Variants in EIF2AK2 observed in about 807,000 individuals in gnomAD.
EIF2AK2 encodes interferon-induced, double-stranded RNA-activated protein kinase.
A neutral mutation model predicts 70.5 loss-of-function variants in EIF2AK2; 40 were observed. The ratio of observed to expected loss-of-function variants is 0.57; its 90% confidence interval spans 0.44 to 0.74. EIF2AK2 has a LOEUF of 0.74. Ranked by LOEUF, EIF2AK2 falls within the 30% of genes least tolerant of loss-of-function variation. The probability of loss-of-function intolerance (pLI) is 0.00; values close to 1 mark genes in which losing one functional copy is unlikely to be tolerated. For synonymous variants in EIF2AK2, 198 were observed against 220.9 expected, an observed-to-expected ratio of 0.90 and a Z score of 0.92; for missense variants, 555 against 644.3, an observed-to-expected ratio of 0.86 and a Z score of 1.50.
chr2:37,146,934 T>A lies in EIF2AK2; in HGVS notation c.159A>T (p.Pro53=). The change falls in exon 4 of 17, where the codon CCA becomes CCT. Residue 53 remains proline (P), a synonymous_variant. Coordinates refer to ENST00000233057, the MANE Select transcript of EIF2AK2 (RefSeq NM_001135651.3). ...FQVIIDGREF[P]EGEGRSKKEA... ...CCTTCTTTGATCTACCTTCACCTTC[T>A]GGAAATTCTCTTCCATCTATTATAA... The A allele has an allele frequency of 1.2e-6, 2 of 1,613,530 alleles. No homozygotes were observed. The highest frequency in any genetic ancestry group is 1.7e-6 in the Non-Finnish European group (2 of 1,179,754).
chr2:37,124,943 G>C (rs775648919), intron 11 of EIF2AK2, among the ~76,000 whole-genome samples: 1 of 151,860 alleles, frequency 6.6e-6, no homozygotes, highest in Non-Finnish European at 1.5e-5. Context: ...CCCCAGGCTA[G>C]TCTCAAACTC....
chr2:37,118,606 C>T (rs576202283), intron 13 of EIF2AK2, among the ~76,000 whole-genome samples: 1 of 152,266 alleles, frequency 6.6e-6, no homozygotes, highest in African/African-American at 2.4e-5. Flanking sequence ...TATGATTTAT[C>T]CCAAAGTGAA....
intron 13 of EIF2AK2, among the ~76,000 whole-genome samples, chr2:37,119,574 T>C (rs148761087): frequency 6.6e-6 from 1 of 151,320 alleles, no homozygotes; most frequent in Non-Finnish European, 1.5e-5. Flanking sequence ...TATATATCTA[T>C]CTATCTTATT....
chr2:37,149,140 T>C (rs1244330840), intron 1 of EIF2AK2, 117 bp from the exon 2 acceptor site: 6 of 927,672 alleles, frequency 6.5e-6, no homozygotes, highest in Non-Finnish European at 1.1e-5. Flanking sequence ...TTTATTGGGA[T>C]GGACCTCGAT....
intron 15 of EIF2AK2, among the ~76,000 whole-genome samples, chr2:37,107,736 A>G (rs548883591): frequency 5.9e-5 from 9 of 152,310 alleles, no homozygotes; most frequent in Non-Finnish European, 1.5e-5. Context: ...TGTTAAGTGC[A>G]TCATCTTTAC....
rs1304353071 is a variant in EIF2AK2, at chr2:37,155,516, G to C, written c.-184+1392C>G. Among the ~76,000 whole-genome samples the C allele has an allele frequency of 2.6e-5, 4 of 152,248 alleles. No homozygotes were observed. In the East Asian group the frequency reaches 7.7e-4, roughly 29 times the overall value. ...ATCAACACAGCCTTCTTTGATGCTG[G>C]AGGGTCAGCTAGTATGGGCTTGCCA... On this transcript the variant is annotated intron_variant, in intron 1 of 16. Transcript: ENST00000233057.
chr2:37,133,628 A>C (rs1415422138), intron 10 of EIF2AK2, among the ~76,000 whole-genome samples: 1 of 152,122 alleles, frequency 6.6e-6, no homozygotes, highest in African/African-American at 2.4e-5. Flanking sequence ...AATCAAATCT[A>C]AACCACCTTC....
chr2:37,145,212 G>T (rs1315670660), intron 4 of EIF2AK2, among the ~76,000 whole-genome samples: 1 of 144,170 alleles, frequency 6.9e-6, no homozygotes, highest in African/African-American at 2.6e-5. Context: ...GCACGATCTC[G>T]GCTCACTGCA....
At chr2:37,146,677 G>T (rs1229409945) in intron 4 of EIF2AK2, among the ~76,000 whole-genome samples, 176 bp downstream of exon 4, 1 of 152,172 alleles carries the variant, frequency 6.6e-6, no homozygotes, top group Non-Finnish European at 1.5e-5. Context: ...TGTCCTAGGT[G>T]TGGCTCTCAC....
chr2:37,136,125 T>C (rs1187922777), intron 9 of EIF2AK2, among the ~76,000 whole-genome samples: 1 of 152,228 alleles, frequency 6.6e-6, no homozygotes, highest in Non-Finnish European at 1.5e-5. Flanking sequence ...CTGTTATTCC[T>C]TACTGATGAT....
chr2:37,154,336 A>C (rs201143627), intron 1 of EIF2AK2, among the ~76,000 whole-genome samples: 2 of 147,574 alleles, frequency 1.4e-5, no homozygotes, highest in Non-Finnish European at 3.0e-5. Context: ...AAAAAAAAAA[A>C]CAAAAACAAA....
rs974512691 is a variant in EIF2AK2, at chr2:37,106,707, T to C, written c.*566A>G. 6.6e-6 allele frequency: 1 copy of C among 152,066 alleles called. No homozygotes were observed. The highest frequency in any genetic ancestry group is 2.4e-5 in the African/African-American group (1 of 41,380). The allele number at this position is 152,066 out of a possible 1,614,324, so 9.4% of individuals were successfully genotyped here. A position where few individuals can be genotyped will look rare whatever the true frequency, so the allele number is the denominator to read the frequency against. ...AGATATGAATTGATTGATTCATTAATAGTATAAAAAGAAAATTTGGGGGTG... is the reference window on the plus strand; with the variant it reads ...AGATATGAATTGATTGATTCATTAACAGTATAAAAAGAAAATTTGGGGGTG... On this transcript the variant is annotated 3_prime_UTR_variant, in exon 17 of 17. Coordinates refer to ENST00000233057, the MANE Select transcript of EIF2AK2 (RefSeq NM_001135651.3).
rs1201907599 is a variant in EIF2AK2, at chr2:37,107,494, C to T, written c.1513G>A (p.Asp505Asn). ...CTTACTTCTTTTTTATCAAATATAT[C>T]TGAGATGATGCCATCCCGTAGGTCT... is the stretch of plus-strand genomic sequence containing the variant. ...FTDLRDGIISDIFDKKEKTLL... is the reference protein window; with the variant it reads ...FTDLRDGIISNIFDKKEKTLL... Residue 505 changes from aspartate (D) to asparagine (N), a missense_variant, in exon 16 of 17, where the codon GAT (aspartate) becomes AAT (asparagine). Asp to Asn is a conservative substitution (Grantham distance 23). This residue lies in a region of EIF2AK2 where 299 missense variants were observed against 375.4 expected (regional missense o/e 0.80). Transcript: ENST00000233057. 1 of 1,612,668 alleles carries T rather than the reference C, an allele frequency of 6.2e-7. No homozygotes were observed. Among genetic ancestry groups the T allele is most frequent in the East Asian group, 2.2e-5 (1 of 44,840 alleles).
At chr2:37,138,840 G>A (rs948030277) in intron 6 of EIF2AK2, among the ~76,000 whole-genome samples, 1 of 152,062 alleles carries the variant, frequency 6.6e-6, no homozygotes, top group South Asian at 2.1e-4. Flanking sequence ...CTGTTGTCTA[G>A]GTTGAAGTGC....
chr2:37,147,847 G>C, intron 2 of EIF2AK2, 25 bp from the exon 3 acceptor site: 2 of 1,469,792 alleles, frequency 1.4e-6, no homozygotes, highest in Non-Finnish European at 1.9e-6. Flanking sequence ...ACATTTGAAT[G>C]AGTGATGCTC....
chr2:37,130,198 T>G (rs946722154), intron 10 of EIF2AK2, among the ~76,000 whole-genome samples: 2 of 152,178 alleles, frequency 1.3e-5, no homozygotes, highest in African/African-American at 4.8e-5. Context: ...GCCTCCCAGA[T>G]TCAAGTAATT....
intron 10 of EIF2AK2, among the ~76,000 whole-genome samples, chr2:37,131,416 T>A (rs1674935397): frequency 1.3e-5 from 2 of 152,208 alleles, no homozygotes; most frequent in South Asian, 4.1e-4. Flanking sequence ...TAATTATCCC[T>A]GAGGCACAAA....
At chr2:37,108,953 C>G (rs1262293649) in intron 15 of EIF2AK2, among the ~76,000 whole-genome samples, 1 of 152,176 alleles carries the variant, frequency 6.6e-6, no homozygotes, top group East Asian at 1.9e-4. Flanking sequence ...TACTGACTGA[C>G]AAGTCTTACA....
At chr2:37,120,756 A>G (rs1674515123) in intron 12 of EIF2AK2, among the ~76,000 whole-genome samples, 1 of 148,468 alleles carries the variant, frequency 6.7e-6, no homozygotes, top group Middle Eastern at 3.2e-3. Flanking sequence ...TGAGCTCAGG[A>G]GTTTGAGACC....
Sources: gnomAD v4.1 joint callset for allele counts (sites outside exome capture counted in the v4.1 genomes callset) on GRCh38, gnomAD v4.1.1 for gene constraint, gnomAD v4.1.1 regional missense constraint, MANE v1.5 for transcripts, NCBI Gene and HGNC (gene_info 2026-07-23, HGNC 2026-07-21) for gene names.